Variants in ANAPC1 observed in about 807,000 individuals in gnomAD.
ANAPC1 encodes anaphase-promoting complex subunit 1.
ANAPC1 carries 36 observed loss-of-function variants against 208.0 expected under a neutral mutation model. The ratio of observed to expected loss-of-function variants is 0.17; its 90% confidence interval spans 0.13 to 0.23. ANAPC1 has a LOEUF of 0.23. Ranked by LOEUF, ANAPC1 falls within the 10% of genes least tolerant of loss-of-function variation. ANAPC1 has a pLI of 1.00. For missense variants in ANAPC1, 942 were observed against 2,011.6 expected (o/e 0.47, Z 10.17); for synonymous variants, 378 against 695.2 (o/e 0.54, Z 7.18).
intron 3 of ANAPC1, among the ~76,000 whole-genome samples, chr2:111,875,802 G>T (rs1371951651): frequency 6.6e-6 from 1 of 152,180 alleles, no homozygotes; most frequent in Non-Finnish European, 1.5e-5. Context: ...CCATTCTGAA[G>T]TTTAAAAAGT....
intron 3 of ANAPC1, among the ~76,000 whole-genome samples, chr2:111,878,347 T>G (rs1683122672): frequency 6.6e-6 from 1 of 152,240 alleles, no homozygotes; most frequent in South Asian, 2.1e-4. Flanking sequence ...TGCTTAATTC[T>G]TTCCCTTTCA....
intron 20 of ANAPC1, among the ~76,000 whole-genome samples, chr2:111,832,728 G>A (rs996745884): frequency 1.3e-5 from 2 of 151,970 alleles, no homozygotes; most frequent in African/African-American, 4.8e-5. Flanking sequence ...AGGAGATCAA[G>A]ACCATCCTGT....
At chr2:111,878,737 T>A (rs1683146618) in intron 3 of ANAPC1, 73 bp downstream of exon 3, 1 of 1,590,162 alleles carries the variant, frequency 6.3e-7, no homozygotes, top group Admixed American at 1.8e-5. Flanking sequence ...TCATTTCTGT[T>A]AAATTTTAAA....
intron 7 of ANAPC1, among the ~76,000 whole-genome samples, chr2:111,867,282 C>T (rs1375935300): frequency 6.6e-6 from 1 of 151,752 alleles, no homozygotes; most frequent in African/African-American, 2.4e-5. Context: ...AAGAGCAAAA[C>T]TCTGTCTTAA....
intron 3 of ANAPC1, among the ~76,000 whole-genome samples, chr2:111,875,754 T>G (rs1682992818): frequency 6.6e-6 from 1 of 152,258 alleles, no homozygotes; most frequent in African/African-American, 2.4e-5. Context: ...ACTGCCAGCA[T>G]CCACTTGCAT....
chr2:111,829,448 A>G (rs916206277), intron 21 of ANAPC1, among the ~76,000 whole-genome samples: 6 of 152,066 alleles, frequency 3.9e-5, no homozygotes, highest in African/African-American at 1.4e-4. Context: ...AGAAGGGACA[A>G]AAGCATATGG....
rs908553180 is a variant in ANAPC1 at position 111,832,937 on chromosome 2, C to CAAAAAAAAAAAAAAAAAAAAAAAAAA, written c.2476+282_2476+283insTTTTTTTTTTTTTTTTTTTTTTTTTT. ...TGGGTGACAGAGCGAGACTCAGTCT[C>CAAAAAAAAAAAAAAAAAAAAAAAAAA]AAAAAAAAAAAAAAAAAAAGCATCC... On this transcript the variant is annotated intron_variant, in intron 20 of 47. Transcript: ENST00000341068. 3.9e-4 allele frequency among the ~76,000 whole-genome samples: 21 copies of CAAAAAAAAAAAAAAAAAAAAAAAAAA among 53,618 alleles called. 3 individuals carry two copies. The highest frequency in any genetic ancestry group is 3.7e-3 in the South Asian group (3 of 816). 35.2% of individuals were successfully genotyped at this position (53,618 alleles called of 152,430 possible).
At chr2:111,863,574 C>A in intron 9 of ANAPC1, 101 bp downstream of exon 9, 1 of 1,161,766 alleles carries the variant, frequency 8.6e-7, no homozygotes, top group Admixed American at 2.7e-5. Flanking sequence ...AAAAACATCT[C>A]CCCTAAATAT....
At chr2:111,829,129 G>A (rs370230053) in intron 21 of ANAPC1, among the ~76,000 whole-genome samples, 10 of 152,228 alleles carry the variant, frequency 6.6e-5, no homozygotes, top group South Asian at 2.1e-4. Context: ...CAGGAGAATC[G>A]CTTGAACCTA....
chr2:111,767,737 C>T lies in ANAPC1; in HGVS notation c.*1554G>A, dbSNP rs1055809460. The T allele has an allele frequency of 6.8e-6, 1 of 147,016 alleles. No homozygotes were observed. The highest frequency in any genetic ancestry group is 1.5e-5 in the Non-Finnish European group (1 of 66,908). 9.1% of individuals were successfully genotyped at this position (147,016 alleles called of 1,614,324 possible). A position where few individuals can be genotyped will look rare whatever the true frequency, so the allele number is the denominator to read the frequency against. ...TGGTTTGATATTGAATTTTTAAAAT[C>T]TTGATTCAAATGGAATTTTCATAAT... On this transcript the variant is annotated 3_prime_UTR_variant, in exon 48 of 48. Coordinates refer to ENST00000341068, the MANE Select transcript of ANAPC1 (RefSeq NM_022662.4).
Position 111,831,291 on chromosome 2 carries a change from C to T in ANAPC1, c.2620G>A (p.Val874Ile). Reference sequence around the variant, plus strand: ...GTAACACTCCACATACATACCAAGACTACAAGTCTGCTTCTTTCACAGATT... The same window carrying T: ...GTAACACTCCACATACATACCAAGATTACAAGTCTGCTTCTTTCACAGATT... Reference protein sequence around the residue: ...PGICERSRLVVLSIALYILGD... With the variant: ...PGICERSRLVILSIALYILGD... The change falls in exon 21 of 48, where the codon GTC becomes ATC. Residue 874 changes from valine (V) to isoleucine (I), a missense_variant. Coordinates refer to ENST00000341068, the MANE Select transcript of ANAPC1 (RefSeq NM_022662.4). 1.2e-6 allele frequency: 2 copies of T among 1,609,350 alleles called. No homozygotes were observed. The highest frequency in any genetic ancestry group is 1.7e-6 in the Non-Finnish European group (2 of 1,179,026).
intron 18 of ANAPC1, among the ~76,000 whole-genome samples, chr2:111,835,715 C>G (rs1680429522): frequency 6.6e-6 from 1 of 152,004 alleles, no homozygotes; most frequent in South Asian, 2.1e-4. Flanking sequence ...GTGGCGGGCG[C>G]CTGTTAGTCC....
At chr2:111,872,306 C>T (rs1682796202) in intron 6 of ANAPC1, among the ~76,000 whole-genome samples, 1 of 152,142 alleles carries the variant, frequency 6.6e-6, no homozygotes, top group South Asian at 2.1e-4. Flanking sequence ...GTTAAACCAT[C>T]CCTGCATCCC....
intron 10 of ANAPC1, among the ~76,000 whole-genome samples, chr2:111,861,511 C>A (rs1351892252): frequency 1.3e-5 from 2 of 150,968 alleles, no homozygotes; most frequent in Non-Finnish European, 2.9e-5. Flanking sequence ...TTCTCAACTT[C>A]CCTGCCTAGC....
At position 111,879,070 on chromosome 2, in the gene ANAPC1, C is replaced by A. The variant is rs901499461; in HGVS notation, c.214-99G>T. On this transcript the variant is annotated intron_variant, in intron 2 of 47. Transcript: ENST00000341068. ...TTTGCCCATGGAGTAAGACTCAATT[C>A]AAACACAACTCCTACAAAGTTTGGT... 9.5e-6 allele frequency: 9 copies of A among 945,210 alleles called. No homozygotes were observed. The African/African-American group carries it at 1.4e-4, about 15-fold the overall frequency. 58.6% of individuals were successfully genotyped at this position (945,210 alleles called of 1,614,324 possible).
intron 30 of ANAPC1, among the ~76,000 whole-genome samples, chr2:111,804,388 G>A (rs1458205928): frequency 1.9e-5 from 2 of 105,690 alleles, no homozygotes; most frequent in African/African-American, 7.2e-5. Flanking sequence ...TATAAAACAC[G>A]GCCATCTGGC....
At chr2:111,880,265 G>C (rs893615385) in intron 2 of ANAPC1, among the ~76,000 whole-genome samples, 9 of 151,990 alleles carry the variant, frequency 5.9e-5, no homozygotes, top group African/African-American at 2.2e-4. Flanking sequence ...CCAGCTACTC[G>C]GGAGGCTGAA....
chr2:111,857,847 A>G (rs1320264718), intron 11 of ANAPC1, among the ~76,000 whole-genome samples: 1 of 152,214 alleles, frequency 6.6e-6, no homozygotes, highest in Non-Finnish European at 1.5e-5. Flanking sequence ...GTAGATCTAT[A>G]CAATGGACTA....
chr2:111,832,935 C>G (rs1360679693), intron 20 of ANAPC1, among the ~76,000 whole-genome samples: 1 of 20,986 alleles, frequency 4.8e-5, no homozygotes, highest in African/African-American at 1.2e-4. Flanking sequence ...GAGACTCAGT[C>G]TCAAAAAAAA....
Sources: gnomAD v4.1 joint callset for allele counts (sites outside exome capture counted in the v4.1 genomes callset) on GRCh38, gnomAD v4.1.1 for gene constraint, MANE v1.5 for transcripts, NCBI Gene and HGNC (gene_info 2026-07-23, HGNC 2026-07-21) for gene names.